The following GPC6 variants were observed in gnomAD, a reference collection of about 807,000 sequenced individuals.
GPC6 encodes glypican 6.
GPC6 carries 14 observed loss-of-function variants against 55.2 expected under a neutral mutation model. The ratio of observed to expected loss-of-function variants is 0.25; its 90% CI spans 0.17 to 0.40. The LOEUF (loss-of-function observed/expected upper bound fraction) is 0.40. Among genes scored for constraint, GPC6 ranks in the 10% least tolerant of loss-of-function variants. The pLI is 1.00. For synonymous variants in GPC6, 278 were observed against 259.6 expected, an observed-to-expected ratio of 1.07 and a Z score of -0.68; for missense variants, 641 against 708.5, an observed-to-expected ratio of 0.90 and a Z score of 1.08.
intron 2 of GPC6, among the ~76,000 whole-genome samples, chr13:93,744,526 G>GTTTTTTTT (rs1884319614): frequency 2.7e-5 from 1 of 36,758 alleles, no homozygotes; most frequent in Non-Finnish European, 4.7e-5. Flanking sequence ...GCTTTCCCTA[G>GTTTTTTTT]TCTTTTTTTT....
chr13:93,911,610 A>G (rs556885675), intron 3 of GPC6, among the ~76,000 whole-genome samples: 27 of 152,322 alleles, frequency 1.8e-4, no homozygotes, highest in African/African-American at 6.0e-4. Flanking sequence ...AGCTCAACCA[A>G]AAAAGGAAAG....
chr13:94,190,758 C>T (rs917938393), intron 4 of GPC6, among the ~76,000 whole-genome samples: 2 of 152,026 alleles, frequency 1.3e-5, no homozygotes, highest in East Asian at 1.9e-4. Context: ...TAAAAGGCCA[C>T]GATGTGTGTA....
At chr13:94,189,157 G>T (rs1179906957) in intron 4 of GPC6, among the ~76,000 whole-genome samples, 2 of 152,078 alleles carry the variant, frequency 1.3e-5, no homozygotes, top group Non-Finnish European at 2.9e-5. Flanking sequence ...TTTCTCAGGT[G>T]GTGGCGGATG....
chr13:93,845,728 C>T (rs1430176161), intron 3 of GPC6, among the ~76,000 whole-genome samples: 5 of 148,072 alleles, frequency 3.4e-5, no homozygotes, highest in Non-Finnish European at 5.9e-5. Flanking sequence ...TAAACTATCG[C>T]AAGAACAAAA....
intron 4 of GPC6, among the ~76,000 whole-genome samples, chr13:94,123,195 C>T (rs1039566978): frequency 1.4e-4 from 21 of 151,924 alleles, no homozygotes; most frequent in Admixed American, 1.3e-4. Context: ...TATTTGAAAA[C>T]GTTACAGAAA....
intron 1 of GPC6, among the ~76,000 whole-genome samples, chr13:93,326,444 A>ACACATG (rs1879656244): frequency 6.6e-6 from 1 of 151,898 alleles, no homozygotes; most frequent in East Asian, 2.0e-4. Context: ...CTCTGGCTAC[A>ACACATG]CACACGCACA....
At chr13:94,141,531 A>C (rs947808299) in intron 4 of GPC6, among the ~76,000 whole-genome samples, 1 of 152,152 alleles carries the variant, frequency 6.6e-6, no homozygotes, top group Non-Finnish European at 1.5e-5. Flanking sequence ...AGGAGGTATC[A>C]TGAGGCATGT....
At chr13:93,967,492 G>T (rs1176387042) in intron 3 of GPC6, among the ~76,000 whole-genome samples, 3 of 152,200 alleles carry the variant, frequency 2.0e-5, no homozygotes, top group Admixed American at 1.3e-4. Context: ...GACTGAAAAT[G>T]CTGTGTATCT....
intron 2 of GPC6, among the ~76,000 whole-genome samples, chr13:93,616,847 A>G (rs1310189102): frequency 2.0e-5 from 3 of 152,106 alleles, no homozygotes; most frequent in Non-Finnish European, 2.9e-5. Context: ...TTTGAATTAT[A>G]AGTAATGATT....
chr13:94,270,026 A>G (rs1293364151), intron 4 of GPC6, among the ~76,000 whole-genome samples: 1 of 151,952 alleles, frequency 6.6e-6, no homozygotes, highest in Non-Finnish European at 1.5e-5. Flanking sequence ...TTAAAACCTA[A>G]AAGTTTAAAT....
intron 2 of GPC6, among the ~76,000 whole-genome samples, chr13:93,633,917 C>T (rs1217099573): frequency 2.6e-5 from 4 of 151,934 alleles, no homozygotes; most frequent in Non-Finnish European, 5.9e-5. Context: ...GTTGAAAGAC[C>T]CCATAATTTC....
At chr13:94,006,086 C>A (rs1416844192) in intron 3 of GPC6, among the ~76,000 whole-genome samples, 1 of 152,118 alleles carries the variant, frequency 6.6e-6, no homozygotes, top group Non-Finnish European at 1.5e-5. Context: ...GAACAAATGT[C>A]AGTGTTTTAA....
At chr13:94,273,837 A>C (rs929028688) in intron 4 of GPC6, among the ~76,000 whole-genome samples, 2 of 152,210 alleles carry the variant, frequency 1.3e-5, no homozygotes, top group Non-Finnish European at 1.5e-5. Flanking sequence ...CTTAAATTCT[A>C]TGACTCATCT....
chr13:94,020,662 C>G (rs984198472), intron 3 of GPC6, among the ~76,000 whole-genome samples: 3 of 152,094 alleles, frequency 2.0e-5, no homozygotes, highest in Non-Finnish European at 4.4e-5. Flanking sequence ...CTTCTCAGTT[C>G]TAAGCTAATT....
At chr13:93,380,845 C>T (rs142659276) in intron 1 of GPC6, among the ~76,000 whole-genome samples, 9 of 152,186 alleles carry the variant, frequency 5.9e-5, no homozygotes, top group African/African-American at 1.4e-4. Context: ...GCAATATTGG[C>T]GCACACATTT....
intron 2 of GPC6, among the ~76,000 whole-genome samples, chr13:93,614,026 C>T (rs1163113539): frequency 6.6e-6 from 1 of 152,138 alleles, no homozygotes; most frequent in East Asian, 1.9e-4. Flanking sequence ...TGGCCAAAAA[C>T]CTCAAATGCT....
chr13:94,340,939 G>A (rs1878003698), intron 6 of GPC6, among the ~76,000 whole-genome samples: 1 of 152,104 alleles, frequency 6.6e-6, no homozygotes, highest in African/African-American at 2.4e-5. Context: ...AGTATCTCTG[G>A]CCTCATTACT....
intron 3 of GPC6, among the ~76,000 whole-genome samples, chr13:93,880,867 T>C (rs1389871118): frequency 7.5e-6 from 1 of 132,452 alleles, no homozygotes; most frequent in Non-Finnish European, 1.6e-5. Context: ...AAAATAAAAA[T>C]AAAATAGCCT....
intron 8 of GPC6, among the ~76,000 whole-genome samples, chr13:94,401,910 C>T (rs1881147210): frequency 6.6e-6 from 1 of 151,256 alleles, no homozygotes; most frequent in African/African-American, 2.4e-5. Context: ...CCAGCCTGGG[C>T]AACAGAGCCA....
Sources: gnomAD v4.1 joint callset for allele counts (sites outside exome capture counted in the v4.1 genomes callset) on GRCh38, gnomAD v4.1.1 for gene constraint, MANE v1.5 for transcripts, NCBI Gene and HGNC (gene_info 2026-07-23, HGNC 2026-07-21) for gene names.